The following CSMD1 variants were observed in gnomAD, a reference collection of about 807,000 sequenced individuals.
The protein encoded by CSMD1 is CUB and sushi domain-containing protein 1.
In CSMD1, 213 loss-of-function variants were observed where a neutral mutation model predicts 417.5. The observed-to-expected ratio is 0.51, with a 90% CI of 0.46 to 0.57. The LOEUF is 0.57. Among genes scored for constraint, CSMD1 ranks in the 20% least tolerant of loss-of-function variants. The pLI is 0.00. For synonymous variants in CSMD1, 2,862 were observed against 1,736.8 expected, an observed-to-expected ratio of 1.65 and a Z score of -16.11; for missense variants, 6,923 against 4,529.7, an observed-to-expected ratio of 1.53 and a Z score of -15.17.
At chr8:4,792,880 G>A (rs1453688551) in intron 1 of CSMD1, among the ~76,000 whole-genome samples, 2 of 151,908 alleles carry the variant, frequency 1.3e-5, no homozygotes, top group Admixed American at 1.3e-4. Context: ...TACTGGTTTT[G>A]TGCTCTCTGC....
intron 12 of CSMD1, among the ~76,000 whole-genome samples, chr8:3,455,095 C>A (rs908130857): frequency 6.6e-6 from 1 of 152,142 alleles, no homozygotes; most frequent in Admixed American, 6.5e-5. Context: ...TTCTTTCTAT[C>A]GATCGAATCG....
intron 2 of CSMD1, among the ~76,000 whole-genome samples, chr8:4,549,879 A>C (rs1797791299): frequency 6.9e-6 from 1 of 144,330 alleles, no homozygotes; most frequent in Admixed American, 7.2e-5. Flanking sequence ...CCAGAGTGAC[A>C]ATCTAAGACT....
intron 1 of CSMD1, among the ~76,000 whole-genome samples, chr8:4,749,622 C>A (rs977766858): frequency 1.2e-4 from 19 of 152,044 alleles, no homozygotes; most frequent in Non-Finnish European, 2.6e-4. Flanking sequence ...TTGGAATGTA[C>A]CAGCGTCAAA....
At chr8:3,156,506 G>A (rs1017568194) in intron 39 of CSMD1, among the ~76,000 whole-genome samples, 1 of 152,182 alleles carries the variant, frequency 6.6e-6, no homozygotes, top group African/African-American at 2.4e-5. Flanking sequence ...TCTGCAGGAA[G>A]TAAAGTCAGG....
At chr8:4,621,965 A>G (rs1333376837) in intron 2 of CSMD1, among the ~76,000 whole-genome samples, 1 of 152,100 alleles carries the variant, frequency 6.6e-6, no homozygotes, top group Non-Finnish European at 1.5e-5. Context: ...ATCATATGAA[A>G]AAATTACATA....
At position 4,236,055 on chromosome 8, in the gene CSMD1, T is replaced by TG. The variant is rs1563316718; in HGVS notation, c.415+183897_415+183898insC. Among the ~76,000 whole-genome samples, 156 of 83,690 alleles carry TG rather than the reference T, an allele frequency of 1.9e-3. 2 individuals are homozygous for TG. The highest frequency in any genetic ancestry group is 6.0e-3 in the Middle Eastern group (1 of 168). The allele number at this position is 83,690 out of a possible 152,430, so 54.9% of individuals were successfully genotyped here. On this transcript the variant is annotated intron_variant, in intron 3 of 69. Coordinates refer to ENST00000635120, the MANE Select transcript of CSMD1 (RefSeq NM_033225.6). Reference sequence around the variant, plus strand: ...TTTTTGTTTGTTTTTTTTTTTTTTTTTTTTTTTTTTTTTTGTAATTTCATT... The same window carrying TG: ...TTTTTGTTTGTTTTTTTTTTTTTTTTGTTTTTTTTTTTTTTGTAATTTCATT...
intron 39 of CSMD1, among the ~76,000 whole-genome samples, chr8:3,153,568 G>C (rs1819330424): frequency 3.3e-5 from 5 of 152,220 alleles, no homozygotes; most frequent in Admixed American, 2.6e-4. Flanking sequence ...AACAGAACCA[G>C]TAAATGTGGT....
At chr8:4,690,165 C>G (rs571375714) in intron 1 of CSMD1, among the ~76,000 whole-genome samples, 6 of 152,080 alleles carry the variant, frequency 3.9e-5, no homozygotes, top group African/African-American at 1.4e-4. Context: ...TTAAGATTAC[C>G]CTCACAGTGT....
intron 49 of CSMD1, among the ~76,000 whole-genome samples, chr8:3,067,725 C>A (rs866948382): frequency 2.6e-5 from 4 of 151,354 alleles, no homozygotes; most frequent in Non-Finnish European, 1.5e-5. Context: ...GTGGTTTTAA[C>A]AATTATAGTT....
chr8:4,847,039 A>G (rs1246444047), intron 1 of CSMD1, among the ~76,000 whole-genome samples: 2 of 152,100 alleles, frequency 1.3e-5, no homozygotes, highest in Non-Finnish European at 2.9e-5. Context: ...TTTAAAAAGC[A>G]TTCTTGTTCT....
At chr8:3,506,081 G>T (rs946658661) in intron 10 of CSMD1, among the ~76,000 whole-genome samples, 1 of 152,188 alleles carries the variant, frequency 6.6e-6, no homozygotes, top group Admixed American at 6.5e-5. Flanking sequence ...GAGCCCTGGG[G>T]CTGTGTTCTC....
chr8:3,951,284 C>T (rs1221563412), intron 5 of CSMD1, among the ~76,000 whole-genome samples: 1 of 152,146 alleles, frequency 6.6e-6, no homozygotes, highest in African/African-American at 2.4e-5. Context: ...CAGCCCTGGC[C>T]CACCTTTGTG....
chr8:4,456,478 G>A (rs1001449587), intron 2 of CSMD1, among the ~76,000 whole-genome samples: 13 of 152,116 alleles, frequency 8.5e-5, no homozygotes, highest in Admixed American at 8.5e-4. Flanking sequence ...AACAGACAGG[G>A]AATAGTCTTT....
intron 1 of CSMD1, among the ~76,000 whole-genome samples, chr8:4,795,183 A>T (rs1317523223): frequency 6.7e-6 from 1 of 149,510 alleles, no homozygotes; most frequent in Non-Finnish European, 1.5e-5. Context: ...TTTTAGGTGA[A>T]AAGACGCTTA....
chr8:4,176,625 A>T (rs1225837410), intron 3 of CSMD1, among the ~76,000 whole-genome samples: 5 of 262 alleles, frequency 0.019, no homozygotes, highest in Non-Finnish European at 0.1. Flanking sequence ...CATAAAAGAC[A>T]CAGACTGGCA....
chr8:3,849,923 T>C (rs1291578901), intron 5 of CSMD1, among the ~76,000 whole-genome samples: 1 of 152,074 alleles, frequency 6.6e-6, no homozygotes, highest in Non-Finnish European at 1.5e-5. Context: ...CAAGCAATTC[T>C]CCAGCCTCAG....
At chr8:4,591,305 A>G (rs1238201031) in intron 2 of CSMD1, among the ~76,000 whole-genome samples, 2 of 152,240 alleles carry the variant, frequency 1.3e-5, no homozygotes, top group African/African-American at 4.8e-5. Context: ...ACCCAGAGGA[A>G]GAAGTGAGTA....
At chr8:3,598,159 G>A (rs17066535) in intron 8 of CSMD1, 11,564 of 152,168 alleles carry the variant, frequency 0.076, 654 homozygotes, top group East Asian at 0.22. Context: ...GTAGGACCAA[G>A]CCAATCTGAG....
intron 6 of CSMD1, among the ~76,000 whole-genome samples, chr8:3,733,968 CA>C (rs1796397603): frequency 6.6e-6 from 1 of 151,894 alleles, no homozygotes; most frequent in Non-Finnish European, 1.5e-5. Flanking sequence ...ACTTATCCTT[CA>C]AGGATAAGGG....
Sources: gnomAD v4.1 joint callset for allele counts (sites outside exome capture counted in the v4.1 genomes callset) on GRCh38, gnomAD v4.1.1 for gene constraint, MANE v1.5 for transcripts, NCBI Gene and HGNC (gene_info 2026-07-23, HGNC 2026-07-21) for gene names.